ZFAT: variants seen among roughly 807,000 people sequenced by gnomAD.
ZFAT encodes the protein zinc finger protein ZFAT.
ZFAT carries 64 observed loss-of-function variants against 117.7 expected under a neutral mutation model. The observed-to-expected ratio is 0.54, with a 90% CI of 0.44 to 0.67. ZFAT has a LOEUF of 0.67. ZFAT is among the 30% of genes least tolerant of loss of function. ZFAT has a pLI of 0.00. For missense variants in ZFAT, 1,433 were observed against 1,584.5 expected (o/e 0.90, Z 1.62); for synonymous variants, 679 against 615.0 (o/e 1.10, Z -1.54).
At chr8:134,634,708 T>C (rs887502973) in intron 3 of ZFAT, among the ~76,000 whole-genome samples, 3 of 152,198 alleles carry the variant, frequency 2.0e-5, no homozygotes, top group Admixed American at 1.3e-4. Context: ...CAGAATACTT[T>C]ATGTCACTGA....
the ZFAT span, among the ~76,000 whole-genome samples, chr8:134,800,081 T>C: frequency 1.3e-5 from 2 of 152,170 alleles, no homozygotes; most frequent in African/African-American, 4.8e-5. Flanking sequence ...AAATGTCTGA[T>C]GTCAAAGCCC....
chr8:134,821,563 AG>A, the ZFAT span, among the ~76,000 whole-genome samples: 2 of 151,522 alleles, frequency 1.3e-5, no homozygotes, highest in East Asian at 3.9e-4. Context: ...AAAAAAAAAA[AG>A]AATTTTTTCC....
chr8:134,822,825 G>A, the ZFAT span, among the ~76,000 whole-genome samples: 1 of 152,060 alleles, frequency 6.6e-6, no homozygotes, highest in Non-Finnish European at 1.5e-5. Flanking sequence ...CTCACTGCAG[G>A]TATGCATCTT....
chr8:134,610,335 A>G (rs1053441779), intron 4 of ZFAT, 135 bp downstream of exon 4: 1 of 988,864 alleles, frequency 1.0e-6, no homozygotes, highest in Non-Finnish European at 1.5e-6. Context: ...CATCCTCTCA[A>G]ATTAGTGGGT....
At chr8:134,549,452 A>C (rs954857572) in intron 11 of ZFAT, among the ~76,000 whole-genome samples, 9 of 151,624 alleles carry the variant, frequency 5.9e-5, no homozygotes, top group African/African-American at 2.2e-4. Context: ...GAAAAAAAAA[A>C]AAAAAAAAAG....
chr8:134,790,750 C>T, the ZFAT span, among the ~76,000 whole-genome samples: 2 of 152,134 alleles, frequency 1.3e-5, no homozygotes, highest in African/African-American at 4.8e-5. Flanking sequence ...CATGGTGGCT[C>T]ATGACTGTAA....
Position 134,657,585 on chromosome 8 carries a change from G to A in ZFAT, c.172C>T (p.Pro58Ser), listed in dbSNP as rs373946717. ...CCATCTCCGGTTTTGCTTGAGTTGG[G>A]GGGTTCAGGTGTACTCAGAGGCCTA... ...PLRPLSTPEP[P>S]NSSKTGDEFL... Residue 58 changes from proline to serine, a missense_variant, in exon 2 of 16, where the codon CCC (proline) becomes TCC (serine). By Grantham distance (74) the Pro-to-Ser change is moderately conservative. Around this residue, in one of 5 missense-constraint regions of ZFAT, gnomAD observed 436 missense variants for 482.0 expected, o/e 0.90. Transcript: ENST00000377838. 33 of 1,612,452 alleles carry A rather than the reference G, an allele frequency of 2.0e-5. No individual in the cohort carries two copies. In the South Asian group the frequency reaches 3.6e-4, roughly 18 times the overall value.
the ZFAT span, among the ~76,000 whole-genome samples, chr8:134,790,987 A>G: frequency 2.8e-3 from 421 of 152,306 alleles, 4 homozygotes; most frequent in African/African-American, 9.8e-3. Context: ...GCGATAGAGC[A>G]AGACTCCATC....
chr8:134,773,483 A>G, the ZFAT span, among the ~76,000 whole-genome samples: 33 of 152,356 alleles, frequency 2.2e-4, no homozygotes, highest in South Asian at 6.0e-3. Flanking sequence ...GGATCAAGGA[A>G]TAAGTTAGAC....
rs1369384566 is a variant in ZFAT at position 134,628,721 on chromosome 8, GTC to G, written c.448+8738_448+8739del. ...TATGTATCTGAGCCAAAAGGCCTGA[GTC>G]TACATCCCTGGTCCATTGCTTACTA... On this transcript the variant is annotated intron_variant, in intron 3 of 15. Coordinates refer to ENST00000377838, the MANE Select transcript of ZFAT (RefSeq NM_020863.4). 2.6e-5 allele frequency among the ~76,000 whole-genome samples: 4 copies of G among 152,198 alleles called. No individual in the cohort carries two copies. The East Asian group carries it at 7.7e-4, about 29-fold the overall frequency.
At chr8:134,607,667 T>C (rs1054758854) in intron 5 of ZFAT, among the ~76,000 whole-genome samples, 6 of 152,260 alleles carry the variant, frequency 3.9e-5, no homozygotes, top group African/African-American at 1.4e-4. Context: ...CTGAAGCTTA[T>C]GTTCTACTCA....
At chr8:134,762,082 T>C in the ZFAT span, among the ~76,000 whole-genome samples, 814 of 152,002 alleles carry the variant, frequency 5.4e-3, 3 homozygotes, top group African/African-American at 0.019. Context: ...AGGCCTTTGT[T>C]TGTGGCCCAT....
At chr8:134,650,813 A>G (rs1831191929) in intron 2 of ZFAT, among the ~76,000 whole-genome samples, 1 of 152,248 alleles carries the variant, frequency 6.6e-6, no homozygotes, top group Non-Finnish European at 1.5e-5. Flanking sequence ...GGAAAAGAAC[A>G]GTCTTGTCAA....
At chr8:134,700,662 G>C (rs753937511) in intron 1 of ZFAT, among the ~76,000 whole-genome samples, 2 of 152,182 alleles carry the variant, frequency 1.3e-5, no homozygotes, top group African/African-American at 2.4e-5. Flanking sequence ...GGGAGGCAGA[G>C]GCTGCGTACC....
Position 134,588,390 on chromosome 8 carries a change from A to G in ZFAT, c.2569T>C (p.Ser857Pro). The G allele has an allele frequency of 6.3e-7, 1 of 1,581,512 alleles. No homozygotes were observed. The part of the protein sequence containing the change: ...SHIKTNHPEV[S>P]MSTISEVLGR... ...AGAACCTCAGAAATGGTGCTCATGG[A>G]GACCTCTAGAAGAAAAGCAGGATGT... The change falls in exon 9 of 16, where the codon TCC (serine) becomes CCC (proline). Residue 857 changes from serine to proline, a missense_variant. Transcript: ENST00000377838.
intron 11 of ZFAT, among the ~76,000 whole-genome samples, chr8:134,553,447 G>C (rs6578232): frequency 6.6e-6 from 1 of 151,996 alleles, no homozygotes; most frequent in Non-Finnish European, 1.5e-5. Context: ...AAGTTTCAGC[G>C]AGCCGAGATC....
At chr8:134,707,103 A>T (rs1834171666) in intron 1 of ZFAT, among the ~76,000 whole-genome samples, 1 of 151,844 alleles carries the variant, frequency 6.6e-6, no homozygotes, top group South Asian at 2.1e-4. Flanking sequence ...AGGGTGGGTC[A>T]CACCTGTGTC....
chr8:134,485,654 C>T (rs576321284), intron 15 of ZFAT, among the ~76,000 whole-genome samples: 1 of 152,132 alleles, frequency 6.6e-6, no homozygotes, highest in East Asian at 1.9e-4. Flanking sequence ...AAACCCAACT[C>T]CCTAACATAG....
At chr8:134,592,451 T>G (rs1176335468) in intron 7 of ZFAT, among the ~76,000 whole-genome samples, 2 of 152,146 alleles carry the variant, frequency 1.3e-5, no homozygotes, top group African/African-American at 4.8e-5. Flanking sequence ...AGCCCCTGGG[T>G]TCAAATCTTG....
Sources: allele counts gnomAD v4.1 joint callset (sites outside exome capture counted in the v4.1 genomes callset), GRCh38; gene constraint gnomAD v4.1.1; regional missense constraint gnomAD v4.1.1; transcripts MANE v1.5; gene names NCBI Gene and HGNC (gene_info 2026-07-23, HGNC 2026-07-21).